The following FIGN variants were observed in gnomAD, a reference collection of about 807,000 sequenced individuals.
The protein encoded by FIGN is fidgetin, microtubule severing factor, also known as fidgetin.
A neutral mutation model predicts 51.3 loss-of-function variants in FIGN; 11 were observed. The observed-to-expected ratio is 0.21, with a 90% CI of 0.13 to 0.35. The LOEUF is 0.35. FIGN is among the 10% of genes least tolerant of loss of function. The pLI is 1.00. For missense variants in FIGN, 857 were observed against 943.6 expected (o/e 0.91, Z 1.20); for synonymous variants, 407 against 363.2 (o/e 1.12, Z -1.37).
In FIGN at chr2:163,611,304, A is replaced by G; in HGVS notation, c.528T>C (p.Leu176=). 1 of 1,614,120 alleles carries G rather than the reference A, an allele frequency of 6.2e-7. No individual in the cohort carries two copies. Among genetic ancestry groups the G allele is most frequent in the Non-Finnish European group, 8.5e-7 (1 of 1,180,022 alleles). ...STCGSHTVPS[L]HAGLPSQEYA... Reference sequence around the variant, plus strand: ...ATTCCTGAGATGGGAGCCCTGCATGAAGACTGGGTACAGTGTGGCTTCCAC... The same window carrying G: ...ATTCCTGAGATGGGAGCCCTGCATGGAGACTGGGTACAGTGTGGCTTCCAC... The change falls in exon 3 of 3, where the codon CTT becomes CTC. Residue 176 remains leucine (L), a synonymous_variant. Coordinates refer to ENST00000333129, the MANE Select transcript of FIGN (RefSeq NM_018086.4).
At chr2:163,611,905 T>TTTTC in intron 2 of FIGN, 99 bp from the exon 3 acceptor site, 1 of 816,204 alleles carries the variant, frequency 1.2e-6, no homozygotes. Flanking sequence ...TATTTTCCAT[T>TTTTC]AATGATATGC....
At chr2:163,614,657 A>G (rs1682839711) in intron 2 of FIGN, among the ~76,000 whole-genome samples, 1 of 152,194 alleles carries the variant, frequency 6.6e-6, no homozygotes, top group Non-Finnish European at 1.5e-5. Context: ...AGTACAGGCA[A>G]TGGAATTTAG....
intron 2 of FIGN, among the ~76,000 whole-genome samples, chr2:163,659,279 T>C (rs142436851): frequency 6.6e-6 from 1 of 152,184 alleles, no homozygotes; most frequent in Admixed American, 6.5e-5. Flanking sequence ...GGAAGAAATT[T>C]GAAAGGCACA....
chr2:163,712,374 C>T (rs1284290418), intron 2 of FIGN, among the ~76,000 whole-genome samples: 1 of 151,828 alleles, frequency 6.6e-6, no homozygotes, highest in Non-Finnish European at 1.5e-5. Flanking sequence ...AGTTAAAAAA[C>T]AAAAAAAGGA....
chr2:163,719,931 C>A (rs1053923879), intron 2 of FIGN, among the ~76,000 whole-genome samples: 1 of 152,102 alleles, frequency 6.6e-6, no homozygotes, highest in Non-Finnish European at 1.5e-5. Flanking sequence ...TTTCTAGAAG[C>A]AACTTATTAT....
rs186852344 is a variant in FIGN at position 163,725,314 on chromosome 2, G to A, written c.25+9589C>T. ...GCTCTTCAAAACGGTACACAGCTAG[G>A]TAGGTAGGAAGATGGCTTAGACAGC... On this transcript the variant is annotated intron_variant, in intron 2 of 2. Transcript: ENST00000333129. Among the ~76,000 whole-genome samples, 47 of 152,166 alleles carry A rather than the reference G, an allele frequency of 3.1e-4. 1 individual carries two copies. The East Asian group carries it at 9.1e-3, about 29-fold the overall frequency.
intron 2 of FIGN, among the ~76,000 whole-genome samples, chr2:163,708,628 C>T (rs1684538262): frequency 6.6e-6 from 1 of 152,128 alleles, no homozygotes; most frequent in South Asian, 2.1e-4. Flanking sequence ...AATATTGTTT[C>T]TGTCTTTTAA....
At chr2:163,713,705 A>C (rs1042899675) in intron 2 of FIGN, among the ~76,000 whole-genome samples, 1 of 152,216 alleles carries the variant, frequency 6.6e-6, no homozygotes, top group African/African-American at 2.4e-5. Context: ...AGTGAGCCGG[A>C]GAATTTCCAG....
intron 2 of FIGN, among the ~76,000 whole-genome samples, chr2:163,690,443 G>A (rs1684222923): frequency 6.6e-6 from 1 of 152,138 alleles, no homozygotes; most frequent in Admixed American, 6.6e-5. Context: ...GTAGAGCTGG[G>A]TGAGAATCAA....
intron 2 of FIGN, among the ~76,000 whole-genome samples, chr2:163,658,547 G>A (rs190882572): frequency 7.9e-5 from 12 of 152,234 alleles, no homozygotes; most frequent in East Asian, 1.9e-4. Context: ...TACTGAGGGC[G>A]TCAGGCTGCT....
chr2:163,607,599 CAGAA>C lies in FIGN; in HGVS notation c.*1949_*1952del, dbSNP rs914375122. On this transcript the variant is annotated 3_prime_UTR_variant, in exon 3 of 3. Transcript: ENST00000333129. ...AAAAATTTTTGTAAGAAAAAAAAAA[CAGAA>C]AGGCCTTTCTTGGGGCTTCTCATTG... 7 of 151,442 alleles carry C rather than the reference CAGAA, an allele frequency of 4.6e-5. No individual in the cohort carries two copies. The East Asian group carries it at 5.8e-4, about 13-fold the overall frequency. The allele number at this position is 151,442 out of a possible 1,614,324, so 9.4% of individuals were successfully genotyped here.
intron 2 of FIGN, among the ~76,000 whole-genome samples, chr2:163,657,881 G>T (rs181730003): frequency 6.6e-6 from 1 of 152,268 alleles, no homozygotes; most frequent in Admixed American, 6.5e-5. Context: ...GCTTAAGAAT[G>T]AAGTGCAAAT....
intron 2 of FIGN, among the ~76,000 whole-genome samples, chr2:163,694,272 A>C (rs1684283323): frequency 6.6e-6 from 1 of 152,204 alleles, no homozygotes; most frequent in Admixed American, 6.5e-5. Flanking sequence ...ATAAATGCTT[A>C]AATCAATGTT....
In FIGN at chr2:163,611,187, A is replaced by T; in HGVS notation, c.645T>A (p.His215Gln). The T allele has an allele frequency of 6.2e-7, 1 of 1,614,124 alleles. No individual in the cohort carries two copies. ...ALPSPHPSPLHSSGLLQPPPP... is the reference protein window; with the variant it reads ...ALPSPHPSPLQSSGLLQPPPP... ...GTGGGGGCTGTAGTAGCCCAGAGCT[A>T]TGCAAAGGAGACGGATGAGGTGAAG... The change falls in exon 3 of 3, where the codon CAT (histidine) becomes CAA (glutamine). Residue 215 changes from histidine to glutamine, a missense_variant. Transcript: ENST00000333129.
intron 2 of FIGN, among the ~76,000 whole-genome samples, chr2:163,693,811 C>T (rs10930108): frequency 0.61 from 92,185 of 151,986 alleles, 28,962 homozygotes; most frequent in Admixed American, 0.71. Context: ...TGGAATATAT[C>T]TGAGGTGATA....
rs558347631 is a variant in FIGN at position 163,612,542 on chromosome 2, T to C, written c.26-736A>G. On this transcript the variant is annotated intron_variant, in intron 2 of 2. Coordinates refer to ENST00000333129, the MANE Select transcript of FIGN (RefSeq NM_018086.4). ...ACAAAGCCTACAACTCGGTATGAAT[T>C]ACAACTGGCTCCTTTCTGCCTCTCA... The C allele has an allele frequency of 3.1e-4, 301 of 985,184 alleles. No individual in the cohort carries two copies. In the African/African-American group the frequency reaches 5.1e-3, roughly 17 times the overall value. The allele number at this position is 985,184 out of a possible 1,614,324, so 61.0% of individuals were successfully genotyped here. A position where few individuals can be genotyped will look rare whatever the true frequency, so the allele number is the denominator to read the frequency against.
chr2:163,722,961 C>T (rs1029991510), intron 2 of FIGN, among the ~76,000 whole-genome samples: 9 of 151,534 alleles, frequency 5.9e-5, no homozygotes, highest in Admixed American at 2.0e-4. Context: ...CAGAGGCGGG[C>T]GGATCATGAG....
chr2:163,681,984 T>A (rs1274461719), intron 2 of FIGN, among the ~76,000 whole-genome samples: 2 of 152,192 alleles, frequency 1.3e-5, no homozygotes, highest in Non-Finnish European at 2.9e-5. Context: ...ATATCCCAAG[T>A]GTATTTCTCA....
intron 2 of FIGN, among the ~76,000 whole-genome samples, chr2:163,722,279 A>G (rs1025871048): frequency 1.3e-5 from 2 of 152,222 alleles, no homozygotes; most frequent in Non-Finnish European, 2.9e-5. Flanking sequence ...TGCATCTCAC[A>G]TTTTACCACC....
Sources: allele counts gnomAD v4.1 joint callset (sites outside exome capture counted in the v4.1 genomes callset), GRCh38; gene constraint gnomAD v4.1.1; transcripts MANE v1.5; gene names NCBI Gene and HGNC (gene_info 2026-07-23, HGNC 2026-07-21).